The following MDFIC2 variants were observed in gnomAD, a reference collection of about 807,000 sequenced individuals.
The protein encoded by MDFIC2 is myoD family inhibitor domain-containing protein 2.
intron 2 of MDFIC2, among the ~76,000 whole-genome samples, chr3:70,210,002 T>C (rs568926560): frequency 6.6e-6 from 1 of 152,236 alleles, no homozygotes; most frequent in Admixed American, 6.5e-5. Flanking sequence ...GCTATTTACT[T>C]AACAGAATTA....
intron 3 of MDFIC2, among the ~76,000 whole-genome samples, chr3:70,198,897 T>C (rs1412378278): frequency 6.6e-6 from 1 of 152,172 alleles, no homozygotes. Context: ...AAGTTAGTAA[T>C]AGTATATAGA....
chr3:70,273,829 G>A (rs2079529385), intron 2 of MDFIC2, among the ~76,000 whole-genome samples: 1 of 152,144 alleles, frequency 6.6e-6, no homozygotes, highest in Admixed American at 6.6e-5. Context: ...CCAAGGCAGA[G>A]TCTCACTTTA....
chr3:70,230,751 C>G (rs940631285), intron 2 of MDFIC2, among the ~76,000 whole-genome samples: 9 of 152,172 alleles, frequency 5.9e-5, no homozygotes, highest in African/African-American at 2.2e-4. Context: ...CATGCCTTCA[C>G]CCTCCTTGAG....
At chr3:70,285,096 G>T in intron 2 of MDFIC2, among the ~76,000 whole-genome samples, 1 of 146,346 alleles carries the variant, frequency 6.8e-6, no homozygotes, top group African/African-American at 2.6e-5. Context: ...TAGGGTACAT[G>T]TGCACATTGT....
intron 2 of MDFIC2, among the ~76,000 whole-genome samples, chr3:70,253,341 G>A (rs1701786632): frequency 6.6e-6 from 1 of 152,138 alleles, no homozygotes; most frequent in East Asian, 1.9e-4. Flanking sequence ...TGTGCATGGA[G>A]TCCAAGGTGG....
intron 2 of MDFIC2, among the ~76,000 whole-genome samples, chr3:70,234,232 G>A: frequency 6.6e-6 from 1 of 152,172 alleles, no homozygotes; most frequent in Admixed American, 6.5e-5. Flanking sequence ...GGGCTGGGTT[G>A]ACACCTAAAA....
chr3:70,274,375 T>C (rs1702002175), intron 2 of MDFIC2, among the ~76,000 whole-genome samples: 1 of 151,090 alleles, frequency 6.6e-6, no homozygotes, highest in Non-Finnish European at 1.5e-5. Context: ...TCTTGAAATA[T>C]AGAATGAGTA....
intron 2 of MDFIC2, among the ~76,000 whole-genome samples, chr3:70,294,094 C>T (rs1317772548): frequency 6.6e-6 from 1 of 152,058 alleles, no homozygotes; most frequent in East Asian, 1.9e-4. Flanking sequence ...TTTAAGTTGA[C>T]TCATCTAAGT....
At chr3:70,198,403 T>G (rs1386098785) in intron 3 of MDFIC2, among the ~76,000 whole-genome samples, 1 of 152,166 alleles carries the variant, frequency 6.6e-6, no homozygotes, top group Non-Finnish European at 1.5e-5. Flanking sequence ...TACTTTTATT[T>G]TCCAGAAAGC....
intron 2 of MDFIC2, among the ~76,000 whole-genome samples, chr3:70,247,629 A>T (rs1701720016): frequency 6.6e-6 from 1 of 151,944 alleles, no homozygotes; most frequent in Non-Finnish European, 1.5e-5. Flanking sequence ...TAATCTTCAG[A>T]ATTTATGACT....
In MDFIC2 at chr3:70,234,427, T is replaced by A. The variant is rs112247641; in HGVS notation, c.89-27637A>T. Among the ~76,000 whole-genome samples, 75 of 152,034 alleles carry A rather than the reference T, an allele frequency of 4.9e-4. 1 individual carries two copies. The highest frequency in any genetic ancestry group is 2.5e-4 in the Non-Finnish European group (17 of 67,992). ...ACTTTGGGAAGCTGAGGTAGGTGGATTTCTTGAGCCCAGGAGTTTGAGACC... is the reference window on the plus strand; with the variant it reads ...ACTTTGGGAAGCTGAGGTAGGTGGAATTCTTGAGCCCAGGAGTTTGAGACC... On this transcript the variant is annotated intron_variant, in intron 2 of 3. Transcript: ENST00000567252.
At chr3:70,283,856 A>G (rs1702113629) in intron 2 of MDFIC2, 1 of 152,114 alleles carries the variant, frequency 6.6e-6, no homozygotes, top group Non-Finnish European at 1.5e-5. Flanking sequence ...TGGTGAGTAC[A>G]TAATGTATTT....
At chr3:70,252,272 G>C (rs1701776570) in intron 2 of MDFIC2, among the ~76,000 whole-genome samples, 1 of 152,204 alleles carries the variant, frequency 6.6e-6, no homozygotes, top group Non-Finnish European at 1.5e-5. Flanking sequence ...TAGGCTTAAA[G>C]TATATGTATC....
rs1036616598 is a variant in MDFIC2 at position 70,249,873 on chromosome 3, G to A, written c.89-43083C>T. ...TGCTGAAATTCCTTTATTTGCTAAC[G>A]TTAATAAAAAAATTCTTGAGGGGGC... On this transcript the variant is annotated intron_variant, in intron 2 of 3. Transcript: ENST00000567252. Among the ~76,000 whole-genome samples the A allele has an allele frequency of 8.6e-5, 13 of 152,016 alleles. 1 individual carries two copies. The highest frequency in any genetic ancestry group is 1.5e-5 in the Non-Finnish European group (1 of 67,992).
intron 2 of MDFIC2, among the ~76,000 whole-genome samples, chr3:70,299,819 C>G (rs144929265): frequency 6.6e-6 from 1 of 152,072 alleles, no homozygotes; most frequent in Non-Finnish European, 1.5e-5. Context: ...GCCAACCTCA[C>G]ATATATTTTA....
intron 2 of MDFIC2, among the ~76,000 whole-genome samples, chr3:70,276,414 A>G (rs1255663834): frequency 6.6e-6 from 1 of 152,216 alleles, no homozygotes; most frequent in East Asian, 1.9e-4. Flanking sequence ...AAACATTGTA[A>G]CAAATACCCA....
At chr3:70,269,817 T>A (rs1020689445) in intron 2 of MDFIC2, among the ~76,000 whole-genome samples, 1 of 152,076 alleles carries the variant, frequency 6.6e-6, no homozygotes, top group Non-Finnish European at 1.5e-5. Context: ...CGAAATCACA[T>A]CTCATTTCGA....
chr3:70,267,675 C>CA (rs1374595151), intron 2 of MDFIC2, among the ~76,000 whole-genome samples: 2 of 151,488 alleles, frequency 1.3e-5, no homozygotes, highest in Non-Finnish European at 2.9e-5. Context: ...CTCGGCCTCC[C>CA]AGAGTGCTGG....
intron 2 of MDFIC2, among the ~76,000 whole-genome samples, chr3:70,231,596 G>C (rs1575602664): frequency 6.6e-6 from 1 of 152,076 alleles, no homozygotes. Context: ...GAACAGGCTG[G>C]GGTGTCCTTC....
Sources: gnomAD v4.1 joint callset for allele counts (sites outside exome capture counted in the v4.1 genomes callset) on GRCh38, gnomAD v4.1.1 for gene constraint, MANE v1.5 for transcripts, NCBI Gene and HGNC (gene_info 2026-07-23, HGNC 2026-07-21) for gene names.